MEAK7: variants seen among roughly 807,000 people sequenced by gnomAD.
MEAK7 encodes the protein MTOR associated protein MEAK7.
In MEAK7, 68 loss-of-function variants were observed where a neutral mutation model predicts 40.5. That is an observed-to-expected ratio of 1.68 (90% CI 1.38 to 2.06). MEAK7 has a LOEUF of 2.06. Among genes scored for constraint, MEAK7 ranks in the 30% most tolerant of loss-of-function variants. MEAK7 has a pLI of 0.00. For synonymous variants in MEAK7, 338 were observed against 231.9 expected (o/e 1.46, Z -4.16); for missense variants, 918 against 580.5 (o/e 1.58, Z -5.98).
At chr16:84,488,321 G>A (rs986889468) in intron 4 of MEAK7, 1 of 151,946 alleles carries the variant, frequency 6.6e-6, no homozygotes, top group African/African-American at 2.4e-5. Context: ...ACTAACTTCT[G>A]AAATATAACC....
At chr16:84,494,842 A>G (rs1913910001) in intron 3 of MEAK7, 1 of 453,160 alleles carries the variant, frequency 2.2e-6, no homozygotes, top group Admixed American at 2.4e-5. Flanking sequence ...TCTGAAAGAC[A>G]AAGCAGGAAA....
chr16:84,488,024 G>GC (rs1429762639), intron 4 of MEAK7: 1 of 152,116 alleles, frequency 6.6e-6, no homozygotes, highest in Admixed American at 6.5e-5. Context: ...ATTTTATTAA[G>GC]CAGGAAATGT....
chr16:84,481,583 C>T (rs1399245995), intron 6 of MEAK7, among the ~76,000 whole-genome samples: 1 of 152,292 alleles, frequency 6.6e-6, no homozygotes, highest in South Asian at 2.1e-4. Flanking sequence ...GTCCCTATAT[C>T]GGACCAGCCT....
At chr16:84,489,949 G>A (rs1054921065) in intron 3 of MEAK7, among the ~76,000 whole-genome samples, 14 of 152,318 alleles carry the variant, frequency 9.2e-5, no homozygotes, top group Middle Eastern at 3.4e-3. Flanking sequence ...ATGGCAGAGG[G>A]CAGTCTGCAG....
chr16:84,493,409 G>A (rs889603574), intron 3 of MEAK7, among the ~76,000 whole-genome samples: 2 of 152,182 alleles, frequency 1.3e-5, no homozygotes, highest in South Asian at 2.1e-4. Context: ...ACTCATAGGG[G>A]GCTGACGTAT....
rs1461864995 is a variant in MEAK7 at position 84,498,043 on chromosome 16, T to G, written c.44A>C (p.Gln15Pro). 1 of 1,612,038 alleles carries G rather than the reference T, an allele frequency of 6.2e-7. No individual in the cohort carries two copies. The highest frequency in any genetic ancestry group is 8.5e-7 in the Non-Finnish European group (1 of 1,178,038). The change falls in exon 2 of 8, where the codon CAG (glutamine) becomes CCG (proline). Residue 15 changes from glutamine (Q) to proline (P), a missense_variant. Coordinates refer to ENST00000343629, the MANE Select transcript of MEAK7 (RefSeq NM_020947.4). ...CTCTGCCTGTTCCTCAGGAAGAAAC[T>G]GTGAACAAAAGCTCCGCCCCACACG... ...RSRVGRSFCSQFLPEEQAEID... is the reference protein window; with the variant it reads ...RSRVGRSFCSPFLPEEQAEID...
At chr16:84,497,204 T>C (rs1914123682) in intron 2 of MEAK7, 1 of 340,278 alleles carries the variant, frequency 2.9e-6, no homozygotes, top group African/African-American at 2.2e-5. Context: ...GCTGCTAGGA[T>C]GGCTGCCTGG....
chr16:84,489,372 C>T lies in MEAK7; in HGVS notation c.435G>A (p.Gln145=). 1 of 1,614,138 alleles carries T rather than the reference C, an allele frequency of 6.2e-7. No homozygotes were observed. The change falls in exon 4 of 8, where the codon CAG becomes CAA. Residue 145 remains glutamine, a synonymous_variant. Transcript: ENST00000343629. ...GSVVHVLSHR[Q]ELRGWTGKEA... ...CCTTCCCAGTCCAGCCTCTCAGCTC[C>T]TGTCTGTGGCTTAGCACGTGCACCA...
At chr16:84,503,627 G>C (rs112060586) in intron 1 of MEAK7, among the ~76,000 whole-genome samples, 1,527 of 152,286 alleles carry the variant, frequency 0.01, 12 homozygotes, top group Middle Eastern at 0.024. Context: ...CAGGGCATTT[G>C]ATCTGCTTAC....
intron 1 of MEAK7, among the ~76,000 whole-genome samples, chr16:84,498,455 T>C (rs1914240458): frequency 6.6e-6 from 1 of 151,712 alleles, no homozygotes; most frequent in Non-Finnish European, 1.5e-5. Flanking sequence ...TTTTGTCTTC[T>C]GTAGAGATGG....
chr16:84,480,127 G>A (rs879657419), intron 7 of MEAK7, 101 bp from the exon 8 acceptor site: 26 of 973,848 alleles, frequency 2.7e-5, no homozygotes, highest in East Asian at 1.4e-4. Context: ...ATCAGGCTCC[G>A]GTTCCCCCTA....
At chr16:84,483,386 C>T (rs1047097561) in intron 5 of MEAK7, among the ~76,000 whole-genome samples, 3 of 152,224 alleles carry the variant, frequency 2.0e-5, no homozygotes, top group Admixed American at 6.5e-5. Flanking sequence ...TCGGAGCTCC[C>T]AGCGAGGGAC....
intron 7 of MEAK7, 127 bp downstream of exon 7, chr16:84,480,402 G>C: frequency 8.6e-7 from 1 of 1,156,998 alleles, no homozygotes; most frequent in Non-Finnish European, 1.2e-6. Flanking sequence ...GCCAGCATCA[G>C]CTACCAGGAT....
rs1479108577 is a variant in MEAK7, at chr16:84,477,910, G to T, written c.*2003C>A. Reference sequence around the variant, plus strand: ...CTCTAAGTGCACTGCCTGGAAGCAGGTGCATTCGTGATCTGCACTCTCCTT... The same window carrying T: ...CTCTAAGTGCACTGCCTGGAAGCAGTTGCATTCGTGATCTGCACTCTCCTT... On this transcript the variant is annotated 3_prime_UTR_variant, in exon 8 of 8. Coordinates refer to ENST00000343629, the MANE Select transcript of MEAK7 (RefSeq NM_020947.4). The T allele has an allele frequency of 6.6e-6, 1 of 152,090 alleles. No homozygotes were observed. Among genetic ancestry groups the T allele is most frequent in the African/African-American group, 2.4e-5 (1 of 41,404 alleles). 9.4% of individuals were successfully genotyped at this position (152,090 alleles called of 1,614,324 possible).
At chr16:84,480,940 T>A (rs894151546) in intron 6 of MEAK7, among the ~76,000 whole-genome samples, 7 of 152,194 alleles carry the variant, frequency 4.6e-5, no homozygotes, top group African/African-American at 1.7e-4. Flanking sequence ...ACCCACCCCA[T>A]GGCTCTTTCT....
rs1172674302 is a variant in MEAK7 at position 84,478,850 on chromosome 16, C to T, written c.*1063G>A. 1 of 152,260 alleles carries T rather than the reference C, an allele frequency of 6.6e-6. No homozygotes were observed. The highest frequency in any genetic ancestry group is 1.5e-5 in the Non-Finnish European group (1 of 68,060). The allele number at this position is 152,260 out of a possible 1,614,324, so 9.4% of individuals were successfully genotyped here. A position where few individuals can be genotyped will look rare whatever the true frequency, so the allele number is the denominator to read the frequency against. On this transcript the variant is annotated 3_prime_UTR_variant, in exon 8 of 8. Coordinates refer to ENST00000343629, the MANE Select transcript of MEAK7 (RefSeq NM_020947.4). ...ACCCAGGCCAGCACCGAGGCCTAGA[C>T]AGCTGTGACTCAGGTGCTGGTTCCC...
chr16:84,486,484 T>G (rs1597934930), intron 5 of MEAK7, 147 bp downstream of exon 5: 1 of 1,433,258 alleles, frequency 7.0e-7, no homozygotes, highest in South Asian at 1.5e-5. Flanking sequence ...TAGAGCAGCA[T>G]CACATTTTCC....
At position 84,479,854 on chromosome 16, in the gene MEAK7, GCGTTGCCCTCT is replaced by G; in HGVS notation, c.*48_*58del. 1 of 1,329,202 alleles carries G rather than the reference GCGTTGCCCTCT, an allele frequency of 7.5e-7. No homozygotes were observed. The allele number at this position is 1,329,202 out of a possible 1,614,324, so 82.3% of individuals were successfully genotyped here. A position where few individuals can be genotyped will look rare whatever the true frequency, so the allele number is the denominator to read the frequency against. Reference sequence around the variant, plus strand: ...ATGTGGGAGGGAAGAGGGGCTGCAGGCGTTGCCCTCTACCCAGAGGAATCCAGGTCCTGGCT... The same window carrying G: ...ATGTGGGAGGGAAGAGGGGCTGCAGGACCCAGAGGAATCCAGGTCCTGGCT... On this transcript the variant is annotated 3_prime_UTR_variant, in exon 8 of 8. Transcript: ENST00000343629.
At chr16:84,485,058 C>T (rs1912913453) in intron 5 of MEAK7, among the ~76,000 whole-genome samples, 1 of 152,156 alleles carries the variant, frequency 6.6e-6, no homozygotes. Context: ...TTCAGCCATG[C>T]AGTGAGGCAG....
Sources: allele counts gnomAD v4.1 joint callset (sites outside exome capture counted in the v4.1 genomes callset), GRCh38; gene constraint gnomAD v4.1.1; transcripts MANE v1.5; gene names NCBI Gene and HGNC (gene_info 2026-07-23, HGNC 2026-07-21).